Variants in HEMK2 observed in about 807,000 individuals in gnomAD.
The protein encoded by HEMK2 is HemK methyltransferase 2, ETF1 glutamine and histone H4 lysine, also known as methyltransferase HEMK2.
the HEMK2 span, among the ~76,000 whole-genome samples, chr21:28,670,799 A>G: frequency 6.6e-6 from 1 of 152,182 alleles, no homozygotes; most frequent in Non-Finnish European, 1.5e-5. Flanking sequence ...AGCAGGCAAG[A>G]GAGAGCATGT....
At chr21:28,623,376 A>G in the HEMK2 span, among the ~76,000 whole-genome samples, 5 of 152,218 alleles carry the variant, frequency 3.3e-5, no homozygotes, top group African/African-American at 1.2e-4. Context: ...ATGCTTTTAC[A>G]CTGTTGGTGG....
At chr21:28,617,745 G>A in the HEMK2 span, among the ~76,000 whole-genome samples, 1 of 150,862 alleles carries the variant, frequency 6.6e-6, no homozygotes, top group Admixed American at 6.6e-5. Flanking sequence ...AAATAAGAAT[G>A]CTTGATTCAT....
At chr21:28,704,846 A>G in the HEMK2 span, among the ~76,000 whole-genome samples, 1 of 152,198 alleles carries the variant, frequency 6.6e-6, no homozygotes, top group Admixed American at 6.5e-5. Context: ...ATGTAAACAC[A>G]ACTTAATTTG....
the HEMK2 span, among the ~76,000 whole-genome samples, chr21:28,691,666 T>G: frequency 4.0e-5 from 6 of 151,826 alleles, no homozygotes; most frequent in Non-Finnish European, 2.9e-5. Context: ...ATTAACGATA[T>G]TTTAAAAATT....
At chr21:28,718,031 ATCTT>A in the HEMK2 span, among the ~76,000 whole-genome samples, 1 of 151,986 alleles carries the variant, frequency 6.6e-6, no homozygotes, top group African/African-American at 2.4e-5. Context: ...TTAATTTGAG[ATCTT>A]TCTAACTTCT....
chr21:28,652,494 G>A, the HEMK2 span, among the ~76,000 whole-genome samples: 3 of 150,554 alleles, frequency 2.0e-5, no homozygotes, highest in Non-Finnish European at 2.9e-5. Flanking sequence ...CTTTCCTGCT[G>A]GACATGAACA....
At chr21:28,784,293 G>A in the HEMK2 span, among the ~76,000 whole-genome samples, 1 of 152,230 alleles carries the variant, frequency 6.6e-6, no homozygotes, top group African/African-American at 2.4e-5. Flanking sequence ...AGCACTCTGT[G>A]TCTAGCTCAA....
At chr21:28,619,516 C>T in the HEMK2 span, among the ~76,000 whole-genome samples, 1 of 152,142 alleles carries the variant, frequency 6.6e-6, no homozygotes, top group Non-Finnish European at 1.5e-5. Context: ...TTCATTTTAC[C>T]ACCCATTGGC....
chr21:28,754,601 T>C, the HEMK2 span, among the ~76,000 whole-genome samples: 1 of 152,240 alleles, frequency 6.6e-6, no homozygotes, highest in South Asian at 2.1e-4. Flanking sequence ...CCTCATTGTG[T>C]AAGAAGTAAC....
chr21:28,613,470 C>A, the HEMK2 span, among the ~76,000 whole-genome samples: 1 of 152,012 alleles, frequency 6.6e-6, no homozygotes, highest in South Asian at 2.1e-4. Flanking sequence ...AAATAGGATA[C>A]CATCAGAATT....
chr21:28,739,152 A>G, the HEMK2 span, among the ~76,000 whole-genome samples: 1 of 152,232 alleles, frequency 6.6e-6, no homozygotes, highest in Non-Finnish European at 1.5e-5. Flanking sequence ...AAGTACATTG[A>G]CATGCGTATT....
chr21:28,605,153 G>A, the HEMK2 span, among the ~76,000 whole-genome samples: 2 of 152,348 alleles, frequency 1.3e-5, no homozygotes, highest in East Asian at 3.9e-4. Flanking sequence ...AGCCAAGGCA[G>A]AATTCCCATT....
At chr21:28,685,241 TC>T in the HEMK2 span, among the ~76,000 whole-genome samples, 2 of 152,334 alleles carry the variant, frequency 1.3e-5, no homozygotes, top group East Asian at 3.9e-4. Context: ...TGTTAGATTT[TC>T]CTTTTTTAAG....
chr21:28,820,256 C>T, the HEMK2 span, among the ~76,000 whole-genome samples: 1 of 152,014 alleles, frequency 6.6e-6, no homozygotes, highest in South Asian at 2.1e-4. Flanking sequence ...TGTTTTCCTC[C>T]CCTACCTCTT....
chr21:28,603,684 A>AC, the HEMK2 span, among the ~76,000 whole-genome samples: 4 of 151,524 alleles, frequency 2.6e-5, no homozygotes, highest in African/African-American at 9.7e-5. Flanking sequence ...TATGACTACA[A>AC]CCCCAAGAAG....
At chr21:28,699,745 C>G in the HEMK2 span, among the ~76,000 whole-genome samples, 3 of 152,168 alleles carry the variant, frequency 2.0e-5, no homozygotes, top group African/African-American at 7.2e-5. Context: ...TTTGCAAGCA[C>G]AAACATGTCT....
the HEMK2 span, among the ~76,000 whole-genome samples, chr21:28,621,980 C>T: frequency 1.3e-5 from 2 of 152,154 alleles, no homozygotes; most frequent in East Asian, 3.9e-4. Flanking sequence ...TCTGTTTTAT[C>T]AGAAACTAGG....
chr21:28,778,695 G>A, the HEMK2 span, among the ~76,000 whole-genome samples: 3 of 152,102 alleles, frequency 2.0e-5, no homozygotes, highest in South Asian at 2.1e-4. Context: ...ATCTTTTCAC[G>A]TGCTTTTTGC....
the HEMK2 span, among the ~76,000 whole-genome samples, chr21:28,864,877 GGTAGAT>G: frequency 4.7e-3 from 262 of 56,036 alleles, 1 homozygote; most frequent in African/African-American, 0.012. Context: ...ATGGATGATA[GGTAGAT>G]ATAGATGATA....
Sources: allele counts gnomAD v4.1 joint callset (sites outside exome capture counted in the v4.1 genomes callset), GRCh38; gene constraint gnomAD v4.1.1; transcripts MANE v1.5; gene names NCBI Gene and HGNC (gene_info 2026-07-23, HGNC 2026-07-21).